Variants in TBC1D32 observed in about 807,000 individuals in gnomAD.
TBC1D32 encodes the protein TBC1 domain family member 32.
Under a neutral mutation model 170.3 loss-of-function variants are expected in TBC1D32, and 151 were observed. The observed-to-expected ratio is 0.89, with a 90% confidence interval of 0.78 to 1.01. TBC1D32 has a LOEUF of 1.01. Among genes scored for constraint, TBC1D32 ranks in the 50% least tolerant of loss-of-function variants. The pLI is 0.00. For synonymous variants in TBC1D32, 498 were observed against 488.0 expected, an observed-to-expected ratio of 1.02 and a Z score of -0.27; for missense variants, 1,464 against 1,457.1, an observed-to-expected ratio of 1.00 and a Z score of -0.08.
intron 14 of TBC1D32, among the ~76,000 whole-genome samples, chr6:121,280,645 A>C (rs1217732471): frequency 6.6e-6 from 1 of 151,842 alleles, no homozygotes; most frequent in East Asian, 1.9e-4. Context: ...GTGAAGAAAA[A>C]CCATACAAAC....
At chr6:121,257,895 T>C (rs1413760305) in intron 15 of TBC1D32, among the ~76,000 whole-genome samples, 2 of 152,162 alleles carry the variant, frequency 1.3e-5, no homozygotes, top group Non-Finnish European at 2.9e-5. Flanking sequence ...CCCAGGATCA[T>C]CCTCCATACT....
At chr6:121,332,308 C>T (rs6918861) in intron 1 of TBC1D32, among the ~76,000 whole-genome samples, 147,430 of 152,158 alleles carry the variant, frequency 0.97, 71,633 homozygotes, top group East Asian at 1. Flanking sequence ...TAGAAAAAAA[C>T]AAAGAGCAGA....
chr6:121,293,697 G>A (rs1007182174), intron 11 of TBC1D32, among the ~76,000 whole-genome samples: 5 of 152,190 alleles, frequency 3.3e-5, no homozygotes, highest in South Asian at 2.1e-4. Flanking sequence ...GGATCACAAC[G>A]TCAGGAGTTC....
chr6:121,295,404 A>G (rs1193306370), intron 10 of TBC1D32, among the ~76,000 whole-genome samples: 1 of 152,106 alleles, frequency 6.6e-6, no homozygotes, highest in Non-Finnish European at 1.5e-5. Context: ...TTTGGTGAAT[A>G]AAGCCAGACT....
chr6:121,229,998 G>A (rs112336065), intron 20 of TBC1D32, among the ~76,000 whole-genome samples: 1,824 of 151,896 alleles, frequency 0.012, 16 homozygotes, highest in Middle Eastern at 0.024. Context: ...CTTCCCCTCC[G>A]CCTTCCTTCC....
chr6:121,253,361 C>T (rs1264585903), intron 17 of TBC1D32, among the ~76,000 whole-genome samples: 1 of 151,998 alleles, frequency 6.6e-6, no homozygotes. Context: ...AAATGTTCAA[C>T]ATCACTAATC....
intron 15 of TBC1D32, among the ~76,000 whole-genome samples, chr6:121,274,322 T>C (rs941734278): frequency 3.3e-5 from 5 of 150,836 alleles, no homozygotes; most frequent in African/African-American, 7.3e-5. Context: ...GACAGAGTCA[T>C]GAGACTCTGT....
chr6:121,160,161 T>G lies in TBC1D32; in HGVS notation c.2680-58A>C. 3 of 1,109,964 alleles carry G rather than the reference T, an allele frequency of 2.7e-6. No homozygotes were observed. In the South Asian group the frequency reaches 4.4e-5, roughly 16 times the overall value. The allele number at this position is 1,109,964 out of a possible 1,614,324, so 68.8% of individuals were successfully genotyped here. ...AGTGGTCTAAAATAATATTGAATTTTAAAGCTATCTGAAATATTGTTAACT... is the reference window on the plus strand; with the variant it reads ...AGTGGTCTAAAATAATATTGAATTTGAAAGCTATCTGAAATATTGTTAACT... On this transcript the variant is annotated intron_variant, in intron 23 of 31. Transcript: ENST00000398212.
chr6:121,280,770 G>A (rs1176861393), intron 14 of TBC1D32, among the ~76,000 whole-genome samples: 1 of 151,786 alleles, frequency 6.6e-6, no homozygotes, highest in Non-Finnish European at 1.5e-5. Context: ...AGTTAACCTA[G>A]CAAGCAACAA....
At chr6:121,149,729 T>G (rs1030555050) in intron 24 of TBC1D32, among the ~76,000 whole-genome samples, 6 of 152,216 alleles carry the variant, frequency 3.9e-5, no homozygotes, top group Non-Finnish European at 8.8e-5. Context: ...AGAATTGTCT[T>G]TGCTATACGG....
intron 5 of TBC1D32, among the ~76,000 whole-genome samples, chr6:121,307,445 G>C (rs994388216): frequency 6.6e-6 from 1 of 152,130 alleles, no homozygotes; most frequent in African/African-American, 2.4e-5. Flanking sequence ...CAAGGTAGCA[G>C]TGTATTATTT....
intron 12 of TBC1D32, among the ~76,000 whole-genome samples, chr6:121,287,219 G>A (rs4371869): frequency 0.99 from 150,544 of 152,276 alleles, 74,450 homozygotes; most frequent in East Asian, 1. Flanking sequence ...AATTAGATAA[G>A]GAGTCAAGGC....
At chr6:121,269,697 G>T (rs1186886121) in intron 15 of TBC1D32, among the ~76,000 whole-genome samples, 1 of 152,160 alleles carries the variant, frequency 6.6e-6, no homozygotes, top group African/African-American at 2.4e-5. Context: ...ACATTAGACA[G>T]ATCAAAGAGA....
intron 24 of TBC1D32, among the ~76,000 whole-genome samples, chr6:121,139,620 T>C (rs1372026093): frequency 6.6e-6 from 1 of 152,158 alleles, no homozygotes. Context: ...AAATTAAGGA[T>C]ATTGTTCTAG....
intron 22 of TBC1D32, among the ~76,000 whole-genome samples, chr6:121,196,527 T>G (rs1790758034): frequency 6.6e-6 from 1 of 152,216 alleles, no homozygotes; most frequent in Non-Finnish European, 1.5e-5. Flanking sequence ...ATGCTTCTGC[T>G]AAGACTACTA....
chr6:121,202,358 C>A, intron 22 of TBC1D32, among the ~76,000 whole-genome samples: 1 of 145,120 alleles, frequency 6.9e-6, no homozygotes, highest in Admixed American at 6.8e-5. Flanking sequence ...GAGAATTTTT[C>A]ACACAGGAAA....
chr6:121,200,311 G>A (rs1056151799), intron 22 of TBC1D32, among the ~76,000 whole-genome samples: 4 of 151,184 alleles, frequency 2.6e-5, no homozygotes, highest in African/African-American at 2.5e-5. Context: ...AAAAAAAGCT[G>A]CAATTCCACA....
intron 24 of TBC1D32, chr6:121,139,627 C>T (rs1443181260): frequency 6.6e-6 from 1 of 151,938 alleles, no homozygotes; most frequent in East Asian, 1.9e-4. Context: ...GGATATTGTT[C>T]TAGTGAAAAA....
intron 22 of TBC1D32, among the ~76,000 whole-genome samples, chr6:121,196,475 T>TA (rs1167808872): frequency 6.6e-6 from 1 of 152,212 alleles, no homozygotes; most frequent in Non-Finnish European, 1.5e-5. Context: ...CTCACTGGAA[T>TA]AGACACTTAC....
Sources: allele counts gnomAD v4.1 joint callset (sites outside exome capture counted in the v4.1 genomes callset), GRCh38; gene constraint gnomAD v4.1.1; transcripts MANE v1.5; gene names NCBI Gene and HGNC (gene_info 2026-07-23, HGNC 2026-07-21).